The following FAM120C variants were observed in gnomAD, a reference collection of about 807,000 sequenced individuals.
The protein encoded by FAM120C is family with sequence similarity 120 member C.
FAM120C carries 14 observed loss-of-function variants against 71.2 expected under a neutral mutation model. That is an observed-to-expected ratio of 0.20 (90% CI 0.13 to 0.31). The LOEUF is 0.31. Among genes scored for constraint, FAM120C ranks in the 10% least tolerant of loss-of-function variants. The pLI is 1.00. For synonymous variants in FAM120C, 354 were observed against 353.2 expected, an observed-to-expected ratio of 1.00 and a Z score of -0.03; for missense variants, 500 against 879.0, an observed-to-expected ratio of 0.57 and a Z score of 5.45.
rs782667950 is a variant in FAM120C at position 54,133,994 on chromosome X, C to T, written c.1669G>A (p.Asp557Asn). ...HQPEWGNPNR[D>N]RGSWAQPVDT... is the part of the protein sequence containing the mutation. ...ACAGGCTGTGCCCAGGACCCTCTGT[C>T]ACGATTGGGATTTCCCCACTCAGGC... Residue 557 changes from aspartate to asparagine, a missense_variant, in exon 8 of 16, where the codon GAC becomes AAC. This residue lies in a region of FAM120C where 85 missense variants were observed against 84.9 expected (regional missense o/e 1.00). Transcript: ENST00000375180. 1.5e-5 allele frequency: 18 copies of T among 1,211,447 alleles called. No homozygotes were observed. The highest frequency in any genetic ancestry group is 1.9e-5 in the Non-Finnish European group (17 of 895,389).
chrX:54,131,987 C>T (rs1189709541), intron 9 of FAM120C, among the ~76,000 whole-genome samples: 5 of 102,147 alleles, frequency 4.9e-5, no homozygotes, highest in Non-Finnish European at 1.0e-4. Flanking sequence ...CTCCTGACCT[C>T]GTCATCTGCC....
intron 4 of FAM120C, among the ~76,000 whole-genome samples, chrX:54,144,417 C>T (rs1450563887): frequency 1.8e-5 from 2 of 112,013 alleles, no homozygotes; most frequent in Non-Finnish European, 3.8e-5. Flanking sequence ...TAGAAAACCC[C>T]ATCGTCTCAG....
intron 15 of FAM120C, among the ~76,000 whole-genome samples, chrX:54,077,579 A>G (rs1284050791): frequency 2.7e-5 from 3 of 110,917 alleles, no homozygotes; most frequent in African/African-American, 9.8e-5. Flanking sequence ...CTTACTCAGG[A>G]GGCTGAGGTG....
intron 1 of FAM120C, among the ~76,000 whole-genome samples, chrX:54,166,753 A>T (rs1318629488): frequency 1.8e-5 from 2 of 111,695 alleles, no homozygotes; most frequent in African/African-American, 6.5e-5. Context: ...ATGTATACTT[A>T]TTTGCTTTTA....
chrX:54,155,697 T>C (rs782169892), intron 3 of FAM120C, among the ~76,000 whole-genome samples: 105 of 111,076 alleles, frequency 9.5e-4, no homozygotes, highest in African/African-American at 3.3e-3. Context: ...TTAAACTTCA[T>C]AGATGCATGC....
chrX:54,071,393 C>A lies in FAM120C; in HGVS notation c.*1640G>T, dbSNP rs1245361575. 8.9e-6 allele frequency: 1 copy of A among 112,802 alleles called. No homozygotes were observed. The highest frequency in any genetic ancestry group is 2.8e-4 in the East Asian group (1 of 3,607). 9.3% of individuals were successfully genotyped at this position (112,802 alleles called of 1,213,427 possible). A position where few individuals can be genotyped will look rare whatever the true frequency, so the allele number is the denominator to read the frequency against. ...TTCCTTGCAAAGCAAATGAAAAGAT[C>A]CAGTAGTCAGAATGTCAATGAACAA... On this transcript the variant is annotated 3_prime_UTR_variant, in exon 16 of 16. Transcript: ENST00000375180.
chrX:54,182,929 G>A lies in FAM120C; in HGVS notation c.270C>T (p.His90=), dbSNP rs1013849360. 1.7e-6 allele frequency: 2 copies of A among 1,158,497 alleles called. No individual in the cohort carries two copies. Among genetic ancestry groups the A allele is most frequent in the Admixed American group, 2.6e-5 (1 of 38,081 alleles). The change falls in exon 1 of 16, where the codon CAC becomes CAT. Residue 90 remains histidine, a synonymous_variant. Coordinates refer to ENST00000375180, the MANE Select transcript of FAM120C (RefSeq NM_017848.6). ...GPTRHHHPAH[H]FHHHGQAQPG... ...GCTGCGCTTGGCCATGATGGTGGAA[G>A]TGGTGAGCGGGGTGATGGTGCCGAG...
At chrX:54,083,433 C>CCA (rs781964795) in intron 13 of FAM120C, among the ~76,000 whole-genome samples, 11,032 of 78,667 alleles carry the variant, frequency 0.14, 753 homozygotes, top group Non-Finnish European at 0.19. Flanking sequence ...GACCCCATCT[C>CCA]CACACACACA....
At chrX:54,078,633 T>A (rs2066748492) in intron 15 of FAM120C, among the ~76,000 whole-genome samples, 1 of 111,742 alleles carries the variant, frequency 8.9e-6, no homozygotes, top group Admixed American at 9.6e-5. Context: ...GATTGAGAAC[T>A]GATGACAAAA....
rs181181204 is a variant in FAM120C at position 54,172,561 on chromosome X, T to C, written c.699+9939A>G. On this transcript the variant is annotated intron_variant, in intron 1 of 15. Transcript: ENST00000375180. ...TTTTGAACAATTGTTATTAAAAATC[T>C]CAAGACTTTTCTCATCACACAAAAT... Among the ~76,000 whole-genome samples, 9 of 112,392 alleles carry C rather than the reference T, an allele frequency of 8.0e-5. No individual in the cohort carries two copies. The East Asian group carries it at 2.5e-3, about 31-fold the overall frequency.
intron 10 of FAM120C, among the ~76,000 whole-genome samples, chrX:54,096,359 T>C (rs1381556771): frequency 2.7e-5 from 3 of 111,288 alleles, no homozygotes; most frequent in Non-Finnish European, 5.7e-5. Context: ...TGTAGTAAGC[T>C]GAGATCATGC....
chrX:54,169,421 C>G (rs147248933), intron 1 of FAM120C, among the ~76,000 whole-genome samples: 2,335 of 112,050 alleles, frequency 0.021, 27 homozygotes, highest in Non-Finnish European at 0.031. Flanking sequence ...AAAAAAATAA[C>G]TAGATTGTAA....
chrX:54,091,448 A>T (rs782121313), intron 10 of FAM120C, 22 bp from the exon 11 acceptor site: 1 of 1,087,719 alleles, frequency 9.2e-7, no homozygotes, highest in Non-Finnish European at 1.3e-6. Context: ...AAGCACTGTT[A>T]TTAGGCCACA....
chrX:54,138,449 G>A (rs781930474), intron 4 of FAM120C, among the ~76,000 whole-genome samples: 2 of 87,085 alleles, frequency 2.3e-5, no homozygotes, highest in South Asian at 6.7e-4. Flanking sequence ...GCAGTGAGCC[G>A]AAATTGTGCC....
chrX:54,179,376 G>A (rs2067335141), intron 1 of FAM120C, among the ~76,000 whole-genome samples: 1 of 112,047 alleles, frequency 8.9e-6, no homozygotes, highest in Non-Finnish European at 1.9e-5. Flanking sequence ...AGAGGGGAGA[G>A]ATACAGTAGT....
At chrX:54,093,953 G>T (rs2066836324) in intron 10 of FAM120C, among the ~76,000 whole-genome samples, 1 of 110,622 alleles carries the variant, frequency 9.0e-6, no homozygotes, top group South Asian at 3.8e-4. Context: ...TTATACATAA[G>T]AATAACATTT....
At chrX:54,163,218 C>A (rs1157242854) in intron 1 of FAM120C, among the ~76,000 whole-genome samples, 2 of 111,910 alleles carry the variant, frequency 1.8e-5, no homozygotes, top group Non-Finnish European at 3.8e-5. Context: ...AAAACTTGTA[C>A]ATGAAAGTTC....
At position 54,073,234 on chromosome X, in the gene FAM120C, G is replaced by T; in HGVS notation, c.3090C>A (p.Arg1030=). The T allele has an allele frequency of 8.3e-7, 1 of 1,209,244 alleles. No homozygotes were observed. Among genetic ancestry groups the T allele is most frequent in the Non-Finnish European group, 1.1e-6 (1 of 893,829 alleles). The change falls in exon 16 of 16, where the codon CGC becomes CGA. Residue 1030 remains arginine (R), a synonymous_variant. Coordinates refer to ENST00000375180, the MANE Select transcript of FAM120C (RefSeq NM_017848.6). ...CGCCACTGTTTCCATTTACCTGGGAGCGAGACCGACCTTGATGAAGCTCCA... is the reference window on the plus strand; with the variant it reads ...CGCCACTGTTTCCATTTACCTGGGATCGAGACCGACCTTGATGAAGCTCCA... ...KSLELHQGRS[R]SQVNGNSGAL...
intron 1 of FAM120C, among the ~76,000 whole-genome samples, chrX:54,170,745 T>C (rs2067283509): frequency 8.9e-6 from 1 of 111,861 alleles, no homozygotes; most frequent in Non-Finnish European, 1.9e-5. Flanking sequence ...ATATAATAGC[T>C]GGCACAGACT....
Sources: allele counts gnomAD v4.1 joint callset (sites outside exome capture counted in the v4.1 genomes callset), GRCh38; gene constraint gnomAD v4.1.1; regional missense constraint gnomAD v4.1.1; transcripts MANE v1.5; gene names NCBI Gene and HGNC (gene_info 2026-07-23, HGNC 2026-07-21).